The following TAFA1 variants were observed in gnomAD, a reference collection of about 807,000 sequenced individuals.
TAFA1 encodes chemokine-like protein TAFA-1.
TAFA1 carries 4 observed loss-of-function variants against 18.5 expected under a neutral mutation model. That is an observed-to-expected ratio of 0.22 (90% CI 0.11 to 0.49). TAFA1 has a LOEUF of 0.49. Among genes scored for constraint, TAFA1 ranks in the 20% least tolerant of loss-of-function variants. The pLI is 0.98. For synonymous variants in TAFA1, 56 were observed against 55.2 expected (o/e 1.01, Z -0.06); for missense variants, 147 against 169.0 (o/e 0.87, Z 0.72).
chr3:68,514,597 C>G (rs989464462), intron 3 of TAFA1, among the ~76,000 whole-genome samples: 1 of 152,068 alleles, frequency 6.6e-6, no homozygotes, highest in Non-Finnish European at 1.5e-5. Context: ...ATCTCTCTCT[C>G]CATCTTTCTA....
chr3:68,088,338 G>GA (rs2064994953), intron 2 of TAFA1, among the ~76,000 whole-genome samples: 2 of 152,086 alleles, frequency 1.3e-5, no homozygotes, highest in South Asian at 2.1e-4. Flanking sequence ...TTGATCATTT[G>GA]TGGTTTTGAC....
At chr3:68,286,963 C>T (rs1057079477) in intron 2 of TAFA1, among the ~76,000 whole-genome samples, 5 of 152,186 alleles carry the variant, frequency 3.3e-5, no homozygotes, top group Admixed American at 2.0e-4. Context: ...AGAGGCTCAT[C>T]GCACTTCCAG....
chr3:68,470,493 G>A (rs1449544620), intron 3 of TAFA1, among the ~76,000 whole-genome samples: 1 of 152,200 alleles, frequency 6.6e-6, no homozygotes, highest in Non-Finnish European at 1.5e-5. Flanking sequence ...CTTGTTGAAT[G>A]TCTTTGCATA....
In TAFA1 at chr3:68,228,510, C is replaced by A. The variant is rs112651776; in HGVS notation, c.119-188770C>A. On this transcript the variant is annotated intron_variant, in intron 2 of 4. Transcript: ENST00000478136. ...ACATTATTACTGTATATTTTCTGTT[C>A]TAGCAGTACCATCTGGCTGTGTACT... Among the ~76,000 whole-genome samples, 637 of 152,310 alleles carry A rather than the reference C, an allele frequency of 4.2e-3. 2 individuals are homozygous for A. Among genetic ancestry groups the A allele is most frequent in the African/African-American group, 0.015 (612 of 41,568 alleles).
intron 2 of TAFA1, among the ~76,000 whole-genome samples, chr3:68,234,950 G>A (rs897313822): frequency 2.0e-5 from 3 of 152,132 alleles, no homozygotes; most frequent in Non-Finnish European, 2.9e-5. Context: ...GAATGAATTA[G>A]TGAGGAGCAC....
intron 2 of TAFA1, among the ~76,000 whole-genome samples, chr3:68,383,253 T>A (rs1449482408): frequency 8.5e-6 from 1 of 117,634 alleles, no homozygotes; most frequent in East Asian, 2.6e-4. Context: ...AGGGTATCCT[T>A]GTCTTTTGCG....
chr3:67,996,810 G>A, the TAFA1 span, among the ~76,000 whole-genome samples: 4 of 149,342 alleles, frequency 2.7e-5, no homozygotes, highest in Non-Finnish European at 3.0e-5. Context: ...ACAAAAATAA[G>A]AAAAAAAAAA....
chr3:68,246,754 A>T (rs1559575118), intron 2 of TAFA1: 1 of 152,154 alleles, frequency 6.6e-6, no homozygotes, highest in Non-Finnish European at 1.5e-5. Flanking sequence ...ATCATAGTGA[A>T]GTAGTTCCAC....
intron 2 of TAFA1, among the ~76,000 whole-genome samples, chr3:68,307,899 C>T (rs549950153): frequency 5.3e-5 from 8 of 152,040 alleles, no homozygotes; most frequent in Admixed American, 2.6e-4. Context: ...TCATAACTGC[C>T]CTTGTTACCT....
chr3:68,418,372 AG>A (rs2106800419), intron 3 of TAFA1, among the ~76,000 whole-genome samples: 1 of 151,802 alleles, frequency 6.6e-6, no homozygotes, highest in African/African-American at 2.4e-5. Context: ...GAGCTTTTTG[AG>A]CCAGGATGAG....
chr3:68,077,159 GT>G (rs1189908385), intron 2 of TAFA1, among the ~76,000 whole-genome samples: 2 of 148,424 alleles, frequency 1.3e-5, no homozygotes, highest in African/African-American at 5.0e-5. Context: ...GGGGTTGTTT[GT>G]TTTTTTCTTG....
At chr3:68,148,222 T>C (rs1389548303) in intron 2 of TAFA1, among the ~76,000 whole-genome samples, 4 of 152,222 alleles carry the variant, frequency 2.6e-5, no homozygotes, top group South Asian at 2.1e-4. Flanking sequence ...TGGCTACATA[T>C]TGTGCCACAA....
chr3:68,236,864 C>A (rs918618625), intron 2 of TAFA1, among the ~76,000 whole-genome samples: 3 of 152,078 alleles, frequency 2.0e-5, no homozygotes, highest in Non-Finnish European at 2.9e-5. Context: ...ATCATGGAAT[C>A]CTTTGTGGAG....
intron 2 of TAFA1, among the ~76,000 whole-genome samples, chr3:68,203,952 C>T (rs2066496681): frequency 8.3e-5 from 1 of 12,088 alleles, no homozygotes; most frequent in South Asian, 3.4e-3. Flanking sequence ...TGTCAAAGGC[C>T]CCCCCCACCC....
intron 2 of TAFA1, among the ~76,000 whole-genome samples, chr3:68,105,517 A>G (rs2065193238): frequency 1.3e-5 from 2 of 152,208 alleles, no homozygotes; most frequent in South Asian, 4.1e-4. Flanking sequence ...ATGTTTTTCA[A>G]AATTGACCAA....
At chr3:68,211,590 T>C (rs1379329330) in intron 2 of TAFA1, among the ~76,000 whole-genome samples, 2 of 152,060 alleles carry the variant, frequency 1.3e-5, no homozygotes, top group African/African-American at 4.8e-5. Flanking sequence ...TTTGTGTTGC[T>C]ATAAAGGAAT....
intron 2 of TAFA1, among the ~76,000 whole-genome samples, chr3:68,086,419 A>T (rs2064970832): frequency 6.6e-6 from 1 of 152,224 alleles, no homozygotes; most frequent in African/African-American, 2.4e-5. Flanking sequence ...CTCTGATTTC[A>T]GCAGCATGTG....
chr3:68,344,228 T>TA (rs1418683124), intron 2 of TAFA1, among the ~76,000 whole-genome samples: 1 of 152,214 alleles, frequency 6.6e-6, no homozygotes, highest in African/African-American at 2.4e-5. Flanking sequence ...AAACAGATGT[T>TA]AAAACATCAG....
intron 2 of TAFA1, among the ~76,000 whole-genome samples, chr3:68,337,626 G>T (rs1174225848): frequency 2.0e-5 from 3 of 152,136 alleles, no homozygotes; most frequent in Non-Finnish European, 4.4e-5. Context: ...ACCTGCAAAA[G>T]CTTCCTGTGT....
Sources: allele counts gnomAD v4.1 joint callset (sites outside exome capture counted in the v4.1 genomes callset), GRCh38; gene constraint gnomAD v4.1.1; transcripts MANE v1.5; gene names NCBI Gene and HGNC (gene_info 2026-07-23, HGNC 2026-07-21).